Variants in MAML3 observed in about 807,000 individuals in gnomAD.
The protein encoded by MAML3 is mastermind-like protein 3.
In MAML3, 27 loss-of-function variants were observed where a neutral mutation model predicts 101.9. That is an observed-to-expected ratio of 0.27 (90% CI 0.20 to 0.37). The LOEUF is 0.37. MAML3 is among the 10% of genes least tolerant of loss of function. MAML3 has a pLI of 1.00. For missense variants in MAML3, 1,316 were observed against 1,444.9 expected, an observed-to-expected ratio of 0.91 and a Z score of 1.45; for synonymous variants, 501 against 555.9, an observed-to-expected ratio of 0.90 and a Z score of 1.39.
chr4:140,117,592 C>T (rs1020461473), intron 1 of MAML3, among the ~76,000 whole-genome samples: 4 of 150,938 alleles, frequency 2.7e-5, no homozygotes, highest in South Asian at 2.1e-4. Flanking sequence ...GGTGACAGAG[C>T]GAGACCCTGT....
intron 1 of MAML3, among the ~76,000 whole-genome samples, chr4:140,091,487 C>A (rs1001436850): frequency 7.3e-6 from 1 of 137,896 alleles, no homozygotes; most frequent in Admixed American, 8.5e-5. Context: ...TGGTTAGAAC[C>A]CTTTCAACTA....
At chr4:139,894,002 G>T (rs571341640) in intron 1 of MAML3, among the ~76,000 whole-genome samples, 1 of 152,044 alleles carries the variant, frequency 6.6e-6, no homozygotes, top group Non-Finnish European at 1.5e-5. Context: ...CTTTCCACTC[G>T]GGTACTCTCT....
intron 1 of MAML3, among the ~76,000 whole-genome samples, chr4:140,053,461 C>G (rs1272238759): frequency 6.6e-6 from 1 of 152,194 alleles, no homozygotes; most frequent in Non-Finnish European, 1.5e-5. Context: ...ATTCCCAGAT[C>G]CTGGCTTTTC....
chr4:139,909,611 G>A (rs768268724), intron 1 of MAML3, among the ~76,000 whole-genome samples: 9 of 152,026 alleles, frequency 5.9e-5, no homozygotes, highest in Non-Finnish European at 8.8e-5. Context: ...TGAGGAGGCC[G>A]CGGTAGGTGG....
At chr4:140,083,967 CAGAGAGAGAGAGAGAGAGAG>C (rs72201205) in intron 1 of MAML3, among the ~76,000 whole-genome samples, 7 of 81,272 alleles carry the variant, frequency 8.6e-5, no homozygotes, top group African/African-American at 2.6e-4. Context: ...CACACACACA[CAGAGAGAGAGAGAGAGAGAG>C]AGAGAGAGAG....
chr4:139,933,517 G>A (rs973408414), intron 1 of MAML3, among the ~76,000 whole-genome samples: 2 of 152,154 alleles, frequency 1.3e-5, no homozygotes, highest in African/African-American at 4.8e-5. Context: ...ACGTGAATTT[G>A]CTTAAATATT....
chr4:140,090,777 A>C (rs1299702817), intron 1 of MAML3, among the ~76,000 whole-genome samples: 1 of 152,196 alleles, frequency 6.6e-6, no homozygotes, highest in East Asian at 1.9e-4. Flanking sequence ...CAGGCCAGGC[A>C]TGGTGGCTCA....
chr4:139,891,955 G>A (rs1193850739), intron 1 of MAML3, among the ~76,000 whole-genome samples: 4 of 152,038 alleles, frequency 2.6e-5, no homozygotes, highest in Non-Finnish European at 5.9e-5. Context: ...TTTCCTAAAC[G>A]ATGGGATTCT....
Position 139,735,061 on chromosome 4 carries a change from G to GCCCGCCCCTCCGCGGCC in MAML3, c.2080-4411_2080-4395dup, listed in dbSNP as rs1728880090. Among the ~76,000 whole-genome samples the GCCCGCCCCTCCGCGGCC allele has an allele frequency of 6.6e-6, 1 of 152,136 alleles. No individual in the cohort carries two copies. Among genetic ancestry groups the GCCCGCCCCTCCGCGGCC allele is most frequent in the East Asian group, 1.9e-4 (1 of 5,172 alleles). The stretch of plus-strand genomic sequence containing the variant: ...CGCAGATGGCTTAATCAGGGCTCCC[G>GCCCGCCCCTCCGCGGCC]CCCGCCCCTCCGCGGCCCCCGCCCC... On this transcript the variant is annotated intron_variant, in intron 2 of 4. Coordinates refer to ENST00000509479, the MANE Select transcript of MAML3 (RefSeq NM_018717.5). The surrounding 1 kb of genome is among the most constrained non-coding windows in gnomAD (Gnocchi z 5.8).
intron 1 of MAML3, among the ~76,000 whole-genome samples, chr4:139,952,505 C>T (rs77556359): frequency 0.016 from 2,403 of 152,258 alleles, 27 homozygotes; most frequent in Non-Finnish European, 0.023. Flanking sequence ...CTACCAACCT[C>T]GGACTGTCCT....
At chr4:139,910,661 T>C (rs1446497139) in intron 1 of MAML3, among the ~76,000 whole-genome samples, 1 of 152,182 alleles carries the variant, frequency 6.6e-6, no homozygotes, top group Non-Finnish European at 1.5e-5. Context: ...CTCTTCTATA[T>C]AAGAAATCTT....
intron 2 of MAML3, among the ~76,000 whole-genome samples, chr4:139,777,023 C>G (rs1328054640): frequency 1.3e-5 from 2 of 152,036 alleles, no homozygotes; most frequent in African/African-American, 4.8e-5. Flanking sequence ...TGACTGTATT[C>G]AAATATAGGA....
intron 2 of MAML3, among the ~76,000 whole-genome samples, chr4:139,743,031 C>A (rs1264313404): frequency 2.6e-5 from 4 of 152,208 alleles, no homozygotes; most frequent in Non-Finnish European, 5.9e-5. Context: ...CCCACTACCA[C>A]CCCCTCATTT....
At chr4:140,122,172 TA>T (rs1373823850) in intron 1 of MAML3, among the ~76,000 whole-genome samples, 1 of 151,338 alleles carries the variant, frequency 6.6e-6, no homozygotes, top group African/African-American at 2.4e-5. Flanking sequence ...ACTTATTTTT[TA>T]AAGTAGGTGA....
chr4:139,760,407 G>T (rs1443235808), intron 2 of MAML3, among the ~76,000 whole-genome samples: 27 of 152,174 alleles, frequency 1.8e-4, no homozygotes, highest in Non-Finnish European at 1.5e-5. Context: ...CAGTCTGCTG[G>T]GCTGTAATCC....
At chr4:139,831,796 CTTT>C (rs72068259) in intron 2 of MAML3, among the ~76,000 whole-genome samples, 2 of 143,458 alleles carry the variant, frequency 1.4e-5, no homozygotes, top group Non-Finnish European at 3.1e-5. Context: ...CCCTCTCACT[CTTT>C]TTTTTTTTTT....
In MAML3 at chr4:140,153,491, A is replaced by G. The variant is rs1442984560; in HGVS notation, c.-164T>C. On this transcript the variant is annotated 5_prime_UTR_variant, in exon 1 of 5. Transcript: ENST00000509479. ...GACGGGGCGAAAAAAACGGGGGGGG[A>G]GATTTTGGGGTGGTTTTTGTTTCCT... is the stretch of plus-strand genomic sequence containing the variant. 1.2e-5 allele frequency: 9 copies of G among 736,592 alleles called. No homozygotes were observed. The highest frequency in any genetic ancestry group is 7.9e-5 in the Admixed American group (2 of 25,158). 45.6% of individuals were successfully genotyped at this position (736,592 alleles called of 1,614,324 possible).
At chr4:139,763,385 G>A (rs1033572061) in intron 2 of MAML3, among the ~76,000 whole-genome samples, 5 of 152,284 alleles carry the variant, frequency 3.3e-5, no homozygotes, top group Admixed American at 6.5e-5. Context: ...GCTCGGAGTC[G>A]GCTGCTGAGG....
intron 2 of MAML3, among the ~76,000 whole-genome samples, chr4:139,844,517 A>G (rs879449038): frequency 2.0e-5 from 3 of 152,216 alleles, no homozygotes; most frequent in Non-Finnish European, 2.9e-5. Context: ...TGAACTCTCA[A>G]TCCCTTAAAA....
Sources: gnomAD v4.1 joint callset for allele counts (sites outside exome capture counted in the v4.1 genomes callset) on GRCh38, gnomAD v4.1.1 for gene constraint, Gnocchi (gnomAD v3.1) non-coding constraint, MANE v1.5 for transcripts, NCBI Gene and HGNC (gene_info 2026-07-23, HGNC 2026-07-21) for gene names.